Variants in LTBP1 observed in about 807,000 individuals in gnomAD.
LTBP1 encodes latent transforming growth factor beta binding protein 1.
In LTBP1, 129 loss-of-function variants were observed where a neutral mutation model predicts 207.6. That is an observed-to-expected ratio of 0.62 (90% CI 0.54 to 0.72). The LOEUF (loss-of-function observed/expected upper bound fraction) is 0.72. Among genes scored for constraint, LTBP1 ranks in the 30% least tolerant of loss-of-function variants. The pLI is 0.00. For synonymous variants in LTBP1, 963 were observed against 833.7 expected (o/e 1.16, Z -2.67); for missense variants, 2,281 against 2,217.2 (o/e 1.03, Z -0.58).
chr2:32,982,463 G>A (rs1263518737), intron 2 of LTBP1, among the ~76,000 whole-genome samples: 2 of 152,178 alleles, frequency 1.3e-5, no homozygotes, highest in Admixed American at 6.5e-5. Context: ...TAAGTAACAA[G>A]GAGCCCAAGA....
intron 7 of LTBP1, among the ~76,000 whole-genome samples, chr2:33,198,735 G>A (rs1285153906): frequency 2.6e-5 from 4 of 151,998 alleles, no homozygotes; most frequent in African/African-American, 4.8e-5. Context: ...CTGTGGGATC[G>A]GTGGTGATAT....
chr2:33,208,808 G>T (rs946836060), intron 7 of LTBP1, among the ~76,000 whole-genome samples: 1 of 151,586 alleles, frequency 6.6e-6, no homozygotes, highest in African/African-American at 2.4e-5. Context: ...AGTTGAGTTT[G>T]TGTGGGAGGT....
intron 26 of LTBP1, among the ~76,000 whole-genome samples, chr2:33,349,872 T>C (rs535538196): frequency 6.6e-6 from 1 of 152,360 alleles, no homozygotes; most frequent in East Asian, 1.9e-4. Flanking sequence ...AGGTGAGTCT[T>C]GGTTTGTGTA....
chr2:33,073,475 T>G (rs2077908534), intron 3 of LTBP1, among the ~76,000 whole-genome samples: 1 of 152,146 alleles, frequency 6.6e-6, no homozygotes, highest in African/African-American at 2.4e-5. Context: ...AGTCAAGGTA[T>G]TATGAGAACT....
chr2:33,088,187 C>T (rs2078866094), intron 3 of LTBP1, among the ~76,000 whole-genome samples: 2 of 152,212 alleles, frequency 1.3e-5, no homozygotes, highest in Admixed American at 6.5e-5. Context: ...GGCGCGGTGG[C>T]TCACGCCTGT....
At chr2:33,004,616 A>G (rs1001661562) in intron 2 of LTBP1, among the ~76,000 whole-genome samples, 2 of 151,232 alleles carry the variant, frequency 1.3e-5, no homozygotes, top group Non-Finnish European at 2.9e-5. Context: ...TCTACTAAAA[A>G]TACAAAAAAT....
intron 32 of LTBP1, among the ~76,000 whole-genome samples, chr2:33,390,791 C>T (rs1373151742): frequency 6.6e-6 from 1 of 152,022 alleles, no homozygotes; most frequent in Non-Finnish European, 1.5e-5. Flanking sequence ...CTGGCCTGCA[C>T]CACATTTTTA....
At chr2:33,263,868 G>A (rs1023784687) in intron 15 of LTBP1, among the ~76,000 whole-genome samples, 8 of 151,276 alleles carry the variant, frequency 5.3e-5, no homozygotes, top group Admixed American at 2.0e-4. Context: ...CAGGGGAGTC[G>A]CTTGAACCCA....
At chr2:33,066,329 A>G (rs982317147) in intron 3 of LTBP1, among the ~76,000 whole-genome samples, 4 of 152,216 alleles carry the variant, frequency 2.6e-5, no homozygotes, top group African/African-American at 9.6e-5. Context: ...CGGAGACTGC[A>G]TGTAGCTCTG....
intron 3 of LTBP1, among the ~76,000 whole-genome samples, chr2:33,054,752 G>A (rs2076906161): frequency 6.6e-6 from 1 of 152,088 alleles, no homozygotes; most frequent in Admixed American, 6.5e-5. Flanking sequence ...TCAATTTCCT[G>A]GCCCTCAGTA....
At chr2:33,396,905 T>C (rs2150779989) in intron 32 of LTBP1, among the ~76,000 whole-genome samples, 1 of 152,352 alleles carries the variant, frequency 6.6e-6, no homozygotes, top group East Asian at 1.9e-4. Flanking sequence ...TAACATAGAA[T>C]ATCAGAATTC....
At chr2:33,228,639 A>G (rs1207484375) in intron 9 of LTBP1, among the ~76,000 whole-genome samples, 1 of 150,718 alleles carries the variant, frequency 6.6e-6, no homozygotes, top group African/African-American at 2.4e-5. Flanking sequence ...ACACAGAGAA[A>G]GTAAATAACT....
At chr2:33,235,500 C>T (rs1573346323) in intron 9 of LTBP1, among the ~76,000 whole-genome samples, 1 of 152,162 alleles carries the variant, frequency 6.6e-6, no homozygotes, top group East Asian at 1.9e-4. Context: ...TGTGGTGATT[C>T]CTTAAGGATC....
chr2:33,257,971 G>C (rs906151952), intron 12 of LTBP1, among the ~76,000 whole-genome samples: 1 of 152,250 alleles, frequency 6.6e-6, no homozygotes, highest in African/African-American at 2.4e-5. Flanking sequence ...GTCAGTTGAA[G>C]AGATCTGGTG....
chr2:32,950,713 C>G (rs911333123), intron 2 of LTBP1, among the ~76,000 whole-genome samples: 1 of 152,128 alleles, frequency 6.6e-6, no homozygotes. Context: ...GAGACTCCAT[C>G]TCAAGAAAAG....
intron 32 of LTBP1, among the ~76,000 whole-genome samples, chr2:33,391,711 T>C (rs17012930): frequency 0.2 from 30,736 of 152,146 alleles, 3,445 homozygotes; most frequent in African/African-American, 0.29. Context: ...CAGAAGCCTC[T>C]ATGGCATTAT....
chr2:33,268,352 A>G (rs1388712933), intron 15 of LTBP1, among the ~76,000 whole-genome samples: 1 of 152,236 alleles, frequency 6.6e-6, no homozygotes, highest in Non-Finnish European at 1.5e-5. Context: ...AGTTTCTCCC[A>G]TGATTGAAGA....
chr2:33,120,343 T>G (rs2081033492), intron 4 of LTBP1, among the ~76,000 whole-genome samples: 1 of 152,116 alleles, frequency 6.6e-6, no homozygotes, highest in Non-Finnish European at 1.5e-5. Flanking sequence ...CCTTTTACCC[T>G]CCCACTTAAA....
intron 11 of LTBP1, among the ~76,000 whole-genome samples, chr2:33,254,102 T>G (rs1000061572): frequency 1.3e-5 from 2 of 151,774 alleles, no homozygotes; most frequent in African/African-American, 4.8e-5. Flanking sequence ...ACTGTGTTAC[T>G]TGATCTCCTG....
Sources: gnomAD v4.1 joint callset for allele counts (sites outside exome capture counted in the v4.1 genomes callset) on GRCh38, gnomAD v4.1.1 for gene constraint, MANE v1.5 for transcripts, NCBI Gene and HGNC (gene_info 2026-07-23, HGNC 2026-07-21) for gene names.